The following ZCRB1 variants were observed in gnomAD, a reference collection of about 807,000 sequenced individuals.
ZCRB1 encodes the protein zinc finger CCHC-type and RNA binding motif containing 1.
In ZCRB1, 21 loss-of-function variants were observed where a neutral mutation model predicts 29.9. That is an observed-to-expected ratio of 0.70 (90% confidence interval 0.50 to 1.01). The LOEUF is 1.01. Ranked by LOEUF, ZCRB1 falls within the 50% of genes least tolerant of loss-of-function variation. The pLI is 0.00. For missense variants in ZCRB1, 204 were observed against 253.3 expected (o/e 0.81, Z 1.32); for synonymous variants, 77 against 80.0 (o/e 0.96, Z 0.20).
intron 7 of ZCRB1, 118 bp from the exon 8 acceptor site, chr12:42,313,316 A>C: frequency 3.6e-6 from 4 of 1,103,770 alleles, no homozygotes; most frequent in Non-Finnish European, 5.0e-6. Flanking sequence ...CTCCCAGTCC[A>C]TGCAGACAAT....
chr12:42,320,534 C>T (rs1236836498), intron 3 of ZCRB1, among the ~76,000 whole-genome samples: 4 of 151,986 alleles, frequency 2.6e-5, no homozygotes, highest in Non-Finnish European at 4.4e-5. Flanking sequence ...CACCTCCATC[C>T]GCCTCCTGGG....
chr12:42,318,819 C>T (rs1431227506), intron 3 of ZCRB1, among the ~76,000 whole-genome samples: 1 of 151,994 alleles, frequency 6.6e-6, no homozygotes, highest in Non-Finnish European at 1.5e-5. Flanking sequence ...AATACAGCAG[C>T]CAGCTGGAAG....
At chr12:42,325,094 A>G (rs1592108124) in intron 1 of ZCRB1, among the ~76,000 whole-genome samples, 1 of 152,260 alleles carries the variant, frequency 6.6e-6, no homozygotes, top group Non-Finnish European at 1.5e-5. Flanking sequence ...TTGAAACACA[A>G]TGGTAAATAT....
chr12:42,312,783 C>G lies in ZCRB1; in HGVS notation c.*284G>C, dbSNP rs932188291. 2 of 186,658 alleles carry G rather than the reference C, an allele frequency of 1.1e-5. No individual in the cohort carries two copies. The highest frequency in any genetic ancestry group is 6.1e-5 in the Admixed American group (1 of 16,336). The allele number at this position is 186,658 out of a possible 1,614,324, so 11.6% of individuals were successfully genotyped here. ...CACCCATATTTAAAGACAAAATTCTCTTGAAAAGTTTATTAATATAAGTAA... is the reference window on the plus strand; with the variant it reads ...CACCCATATTTAAAGACAAAATTCTGTTGAAAAGTTTATTAATATAAGTAA... On this transcript the variant is annotated 3_prime_UTR_variant, in exon 8 of 8. Transcript: ENST00000266529.
At chr12:42,321,111 C>T (rs927030711) in intron 3 of ZCRB1, among the ~76,000 whole-genome samples, 1 of 152,162 alleles carries the variant, frequency 6.6e-6, no homozygotes, top group Non-Finnish European at 1.5e-5. Context: ...CTTTAGGTTT[C>T]CACTCAAAAA....
chr12:42,317,132 C>T (rs572570812), intron 5 of ZCRB1, among the ~76,000 whole-genome samples: 16 of 152,166 alleles, frequency 1.1e-4, no homozygotes, highest in East Asian at 5.8e-4. Context: ...CAGTTGGGCC[C>T]GGGAGGTAGA....
At chr12:42,320,311 T>C (rs1010689488) in intron 3 of ZCRB1, among the ~76,000 whole-genome samples, 3 of 152,224 alleles carry the variant, frequency 2.0e-5, no homozygotes, top group Non-Finnish European at 2.9e-5. Flanking sequence ...TTACCCACTT[T>C]ATTTCATAAT....
In ZCRB1 at chr12:42,312,843, T is replaced by C; in HGVS notation, c.*224A>G. ...ATTCAACTTTTCGGTCTTCAGGAAG[T>C]TTGTTTTAAGGATTAATTTCAGAAG... On this transcript the variant is annotated 3_prime_UTR_variant, in exon 8 of 8. Transcript: ENST00000266529. The C allele has an allele frequency of 3.0e-6, 1 of 336,770 alleles. No homozygotes were observed. The highest frequency in any genetic ancestry group is 5.0e-6 in the Non-Finnish European group (1 of 201,724). The allele number at this position is 336,770 out of a possible 1,614,324, so 20.9% of individuals were successfully genotyped here.
intron 5 of ZCRB1, among the ~76,000 whole-genome samples, chr12:42,314,954 AAAAC>A (rs2068587934): frequency 6.6e-6 from 1 of 152,202 alleles, no homozygotes; most frequent in Non-Finnish European, 1.5e-5. Context: ...CCTGTCTCAA[AAAAC>A]AAACAAAAAA....
chr12:42,325,012 C>G (rs2068674053), intron 1 of ZCRB1, among the ~76,000 whole-genome samples: 1 of 152,170 alleles, frequency 6.6e-6, no homozygotes. Context: ...TGAGACAAAC[C>G]TAGATGGTCT....
intron 5 of ZCRB1, among the ~76,000 whole-genome samples, chr12:42,314,396 C>CT (rs2068584510): frequency 3.4e-5 from 1 of 29,180 alleles, no homozygotes; most frequent in Non-Finnish European, 6.3e-5. Context: ...CCCGTCTCTA[C>CT]TAAAAAAAAA....
In ZCRB1 at chr12:42,322,443, A is replaced by G; in HGVS notation, c.88T>C (p.Phe30Leu). 6.7e-7 allele frequency: 1 copy of G among 1,491,078 alleles called. No individual in the cohort carries two copies. Among genetic ancestry groups the G allele is most frequent in the East Asian group, 2.4e-5 (1 of 41,646 alleles). 92.4% of individuals were successfully genotyped at this position (1,491,078 alleles called of 1,614,324 possible). A position where few individuals can be genotyped will look rare whatever the true frequency, so the allele number is the denominator to read the frequency against. The change falls in exon 3 of 8, where the codon TTT becomes CTT. Residue 30 changes from phenylalanine to leucine, a missense_variant. Physicochemically the swap from Phe to Leu is conservative, Grantham distance 22. Coordinates refer to ENST00000266529, the MANE Select transcript of ZCRB1 (RefSeq NM_033114.4). ...TTTACAACTTTGCCATACTTGGAAAATATCTGAAACAAAAGACCAAATATT... is the reference window on the plus strand; with the variant it reads ...TTTACAACTTTGCCATACTTGGAAAGTATCTGAAACAAAAGACCAAATATT... The part of the protein sequence containing the change: ...SLTNNDLYRI[F>L]SKYGKVVKVT...
intron 5 of ZCRB1, among the ~76,000 whole-genome samples, chr12:42,316,297 A>G (rs931252369): frequency 1.3e-5 from 2 of 151,748 alleles, no homozygotes; most frequent in Non-Finnish European, 2.9e-5. Flanking sequence ...ACTCAGTTTC[A>G]CTATGTTGGT....
Position 42,313,030 on chromosome 12 carries a change from CA to C in ZCRB1, c.*36del. ...ATTAGCTCTTCAAGATTGTTACTAA[CA>C]AATCTTGATTTTTATTACTGTGCTG... is the stretch of plus-strand genomic sequence containing the variant. On this transcript the variant is annotated 3_prime_UTR_variant, in exon 8 of 8. Transcript: ENST00000266529. 1 of 1,495,584 alleles carries C rather than the reference CA, an allele frequency of 6.7e-7. No homozygotes were observed. Among genetic ancestry groups the C allele is most frequent in the Non-Finnish European group, 8.9e-7 (1 of 1,122,240 alleles). The allele number at this position is 1,495,584 out of a possible 1,614,324, so 92.6% of individuals were successfully genotyped here. A position where few individuals can be genotyped will look rare whatever the true frequency, so the allele number is the denominator to read the frequency against.
At position 42,317,443 on chromosome 12, in the gene ZCRB1, A is replaced by G; in HGVS notation, c.230T>C (p.Phe77Ser). Residue 77 changes from phenylalanine to serine, a missense_variant, in exon 5 of 8, where the codon TTT (phenylalanine) becomes TCT (serine). Coordinates refer to ENST00000266529, the MANE Select transcript of ZCRB1 (RefSeq NM_033114.4). Reference protein sequence around the residue: ...CTRAINNKQLFGRVIKASIAI... With the variant: ...CTRAINNKQLSGRVIKASIAI... ...AATGCTTGCTTTTATCACTCTACCA[A>G]ATAACTAAACAAGAGAAAAATGTAA... The G allele has an allele frequency of 6.3e-7, 1 of 1,599,920 alleles. No homozygotes were observed. The highest frequency in any genetic ancestry group is 8.5e-7 in the Non-Finnish European group (1 of 1,174,682).
At chr12:42,313,391 A>G (rs2068578718) in intron 7 of ZCRB1, among the ~76,000 whole-genome samples, 193 bp from the exon 8 acceptor site, 1 of 152,126 alleles carries the variant, frequency 6.6e-6, no homozygotes, top group Non-Finnish European at 1.5e-5. Context: ...TATCCTAGGC[A>G]ATTTCTTAAA....
chr12:42,312,774 C>T lies in ZCRB1; in HGVS notation c.*293G>A, dbSNP rs554945767. 5.7e-6 allele frequency: 1 copy of T among 176,818 alleles called. No homozygotes were observed. The highest frequency in any genetic ancestry group is 1.2e-5 in the Non-Finnish European group (1 of 85,316). The allele number at this position is 176,818 out of a possible 1,614,324, so 11.0% of individuals were successfully genotyped here. On this transcript the variant is annotated 3_prime_UTR_variant, in exon 8 of 8. Transcript: ENST00000266529. ...ATGACAAAACACCCATATTTAAAGA[C>T]AAAATTCTCTTGAAAAGTTTATTAA...
rs2068720546 is a variant in ZCRB1, at chr12:42,326,030, G to C, written c.-109C>G. Reference sequence around the variant, plus strand: ...GCTCGCAGCGGCCTTGGCATCACGAGTCCTGGGAGGGGTCAGGCGCGGAGA... The same window carrying C: ...GCTCGCAGCGGCCTTGGCATCACGACTCCTGGGAGGGGTCAGGCGCGGAGA... On this transcript the variant is annotated 5_prime_UTR_variant, in exon 1 of 8. Transcript: ENST00000266529. 6.6e-6 allele frequency: 1 copy of C among 152,366 alleles called. No individual in the cohort carries two copies. Among genetic ancestry groups the C allele is most frequent in the African/African-American group, 2.4e-5 (1 of 41,470 alleles). 9.4% of individuals were successfully genotyped at this position (152,366 alleles called of 1,614,324 possible). A position where few individuals can be genotyped will look rare whatever the true frequency, so the allele number is the denominator to read the frequency against.
chr12:42,318,332 G>GA (rs1036298317), intron 3 of ZCRB1, among the ~76,000 whole-genome samples: 2 of 151,994 alleles, frequency 1.3e-5, no homozygotes, highest in African/African-American at 4.8e-5. Context: ...GAAAAATAAG[G>GA]AAAAAAACCC....
Sources: gnomAD v4.1 joint callset for allele counts (sites outside exome capture counted in the v4.1 genomes callset) on GRCh38, gnomAD v4.1.1 for gene constraint, MANE v1.5 for transcripts, NCBI Gene and HGNC (gene_info 2026-07-23, HGNC 2026-07-21) for gene names.